Variants in PPP2R5E observed in about 807,000 individuals in gnomAD.
PPP2R5E encodes protein phosphatase 2 regulatory subunit B'epsilon, also known as serine/threonine-protein phosphatase 2A 56 kDa regulatory subunit epsilon isoform.
A neutral mutation model predicts 65.3 loss-of-function variants in PPP2R5E; 4 were observed. The observed-to-expected ratio is 0.06, with a 90% confidence interval of 0.03 to 0.14. The LOEUF is 0.14. PPP2R5E is among the 10% of genes least tolerant of loss of function. PPP2R5E has a pLI of 1.00. For missense variants in PPP2R5E, 274 were observed against 556.1 expected (o/e 0.49, Z 5.10); for synonymous variants, 183 against 187.4 (o/e 0.98, Z 0.19).
rs974553583 is a variant in PPP2R5E, at chr14:63,385,165, A to G, written c.1075-594T>C. 9.2e-5 allele frequency among the ~76,000 whole-genome samples: 14 copies of G among 152,160 alleles called. No homozygotes were observed. The East Asian group carries it at 2.8e-3, about 30-fold the overall frequency. ...AACATGGGGAGACCTCGCCTCTACA[A>G]AAACACAAAAATTAGCCGGGATTGG... On this transcript the variant is annotated intron_variant, in intron 11 of 13. Transcript: ENST00000337537.
intron 3 of PPP2R5E, among the ~76,000 whole-genome samples, chr14:63,430,788 T>C (rs1252629770): frequency 2.0e-5 from 3 of 152,248 alleles, no homozygotes; most frequent in Non-Finnish European, 2.9e-5. Flanking sequence ...ACTGGTAATT[T>C]GTTCAATCAA....
chr14:63,491,374 A>C (rs565980643), intron 2 of PPP2R5E, among the ~76,000 whole-genome samples: 1 of 152,132 alleles, frequency 6.6e-6, no homozygotes, highest in South Asian at 2.1e-4. Flanking sequence ...TGAATCTATA[A>C]TTTTAAAAAA....
intron 2 of PPP2R5E, among the ~76,000 whole-genome samples, chr14:63,523,576 G>A (rs1475024208): frequency 6.7e-6 from 1 of 148,250 alleles, no homozygotes; most frequent in African/African-American, 2.5e-5. Context: ...CACTGCGGAA[G>A]GCCGCAGGGT....
rs1415470652 is a variant in PPP2R5E, at chr14:63,373,706, C to T, written c.*2303G>A. Reference sequence around the variant, plus strand: ...GACAGGGTAAGGTACAAAAAAGGATCCTGGCCTTTCTCATTTCAAATGACT... The same window carrying T: ...GACAGGGTAAGGTACAAAAAAGGATTCTGGCCTTTCTCATTTCAAATGACT... On this transcript the variant is annotated 3_prime_UTR_variant, in exon 14 of 14. Coordinates refer to ENST00000337537, the MANE Select transcript of PPP2R5E (RefSeq NM_006246.5). 1 of 152,266 alleles carries T rather than the reference C, an allele frequency of 6.6e-6. No individual in the cohort carries two copies. Among genetic ancestry groups the T allele is most frequent in the Non-Finnish European group, 1.5e-5 (1 of 68,014 alleles). 9.4% of individuals were successfully genotyped at this position (152,266 alleles called of 1,614,324 possible). A position where few individuals can be genotyped will look rare whatever the true frequency, so the allele number is the denominator to read the frequency against.
In PPP2R5E at chr14:63,532,783, T is replaced by C. The variant is rs770730510; in HGVS notation, c.157+6746A>G. On this transcript the variant is annotated intron_variant, in intron 2 of 13. Transcript: ENST00000337537. ...AGGACCAACAAAACCCATGCGACAA[T>C]GTATCACGACATGGAGTGTAGTAAC... Among the ~76,000 whole-genome samples, 9 of 152,194 alleles carry C rather than the reference T, an allele frequency of 5.9e-5. 1 individual carries two copies. Among genetic ancestry groups the C allele is most frequent in the Non-Finnish European group, 1.3e-4 (9 of 68,036 alleles).
At chr14:63,491,483 C>A (rs911412514) in intron 2 of PPP2R5E, among the ~76,000 whole-genome samples, 5 of 151,994 alleles carry the variant, frequency 3.3e-5, no homozygotes, top group Non-Finnish European at 7.4e-5. Context: ...AAAAATAGCT[C>A]ATTTTTATAT....
intron 2 of PPP2R5E, among the ~76,000 whole-genome samples, chr14:63,520,483 T>C (rs1892855949): frequency 6.6e-6 from 1 of 152,210 alleles, no homozygotes; most frequent in Admixed American, 6.5e-5. Flanking sequence ...GTGATTAATA[T>C]CTATCTCTCC....
At chr14:63,505,810 G>A (rs1289028552) in intron 2 of PPP2R5E, among the ~76,000 whole-genome samples, 2 of 152,152 alleles carry the variant, frequency 1.3e-5, no homozygotes, top group Non-Finnish European at 2.9e-5. Context: ...GAACATAGTA[G>A]ACACAGCACC....
chr14:63,461,651 A>AAAAAAAAT (rs1326070179), intron 2 of PPP2R5E, among the ~76,000 whole-genome samples: 1 of 151,680 alleles, frequency 6.6e-6, no homozygotes, highest in African/African-American at 2.4e-5. Flanking sequence ...AAAAAAAAAA[A>AAAAAAAAT]AAAATTGCTG....
chr14:63,387,718 G>T (rs761568733), intron 11 of PPP2R5E, among the ~76,000 whole-genome samples: 1 of 151,632 alleles, frequency 6.6e-6, no homozygotes, highest in Non-Finnish European at 1.5e-5. Context: ...CAATTCATAT[G>T]TTGAAGTCCT....
At chr14:63,450,438 T>C (rs1370055229) in intron 3 of PPP2R5E, among the ~76,000 whole-genome samples, 1 of 152,064 alleles carries the variant, frequency 6.6e-6, no homozygotes, top group Non-Finnish European at 1.5e-5. Context: ...TTTTTTTGGC[T>C]GGAGAATGGG....
chr14:63,389,872 C>T (rs186240752), intron 10 of PPP2R5E, 141 bp from the exon 11 acceptor site: 1 of 945,936 alleles, frequency 1.1e-6, no homozygotes, highest in Non-Finnish European at 1.5e-6. Context: ...GTCATTATCC[C>T]ATGTTAGAAG....
chr14:63,484,368 CACACACACACACACACACAA>C (rs1890877440), intron 2 of PPP2R5E, among the ~76,000 whole-genome samples: 1 of 151,780 alleles, frequency 6.6e-6, no homozygotes, highest in African/African-American at 2.4e-5. Context: ...CACACACACA[CACACACACACACACACACAA>C]AGAATCGTAT....
chr14:63,506,051 G>A (rs1440954939), intron 2 of PPP2R5E, among the ~76,000 whole-genome samples: 1 of 152,020 alleles, frequency 6.6e-6, no homozygotes, highest in Non-Finnish European at 1.5e-5. Flanking sequence ...GCTTCAAAGG[G>A]CACCATCAAG....
At chr14:63,470,846 T>C (rs779498789) in intron 2 of PPP2R5E, among the ~76,000 whole-genome samples, 3 of 150,800 alleles carry the variant, frequency 2.0e-5, no homozygotes, top group Admixed American at 6.6e-5. Context: ...AAAAAAAAAT[T>C]ACAGCATCCT....
chr14:63,526,074 G>C (rs867447271), intron 2 of PPP2R5E, among the ~76,000 whole-genome samples: 3 of 152,006 alleles, frequency 2.0e-5, no homozygotes, highest in African/African-American at 7.3e-5. Context: ...TGGCCAGGCT[G>C]GTCTCGAACT....
intron 2 of PPP2R5E, among the ~76,000 whole-genome samples, chr14:63,518,181 T>A (rs776541160): frequency 1.3e-5 from 2 of 152,164 alleles, no homozygotes; most frequent in Admixed American, 6.5e-5. Flanking sequence ...CCTTAAGCAA[T>A]CCTCCTGCCT....
Position 63,395,353 on chromosome 14 carries a change from G to A in PPP2R5E, c.681-68C>T, listed in dbSNP as rs550757494. ...GAGGAGAAGGAAGGGATAAAAAGAG[G>A]AGGAGGAGGAGGAGAAGGGGGAGGA... On this transcript the variant is annotated intron_variant, in intron 6 of 13. Transcript: ENST00000337537. 81 of 1,014,542 alleles carry A rather than the reference G, an allele frequency of 8.0e-5. No individual in the cohort carries two copies. In the African/African-American group the frequency reaches 1.3e-3, roughly 16 times the overall value. The allele number at this position is 1,014,542 out of a possible 1,614,324, so 62.8% of individuals were successfully genotyped here. A position where few individuals can be genotyped will look rare whatever the true frequency, so the allele number is the denominator to read the frequency against.
At chr14:63,465,508 C>T (rs988264383) in intron 2 of PPP2R5E, among the ~76,000 whole-genome samples, 2 of 150,874 alleles carry the variant, frequency 1.3e-5, no homozygotes, top group Non-Finnish European at 2.9e-5. Flanking sequence ...GGCCTGTAGT[C>T]TCAGCTACTT....
Sources: gnomAD v4.1 joint callset for allele counts (sites outside exome capture counted in the v4.1 genomes callset) on GRCh38, gnomAD v4.1.1 for gene constraint, MANE v1.5 for transcripts, NCBI Gene and HGNC (gene_info 2026-07-23, HGNC 2026-07-21) for gene names.